DUSP3: variants seen among roughly 807,000 people sequenced by gnomAD.
The protein encoded by DUSP3 is dual specificity phosphatase 3, also known as dual specificity protein phosphatase 3.
In DUSP3, 7 loss-of-function variants were observed where a neutral mutation model predicts 15.5. The ratio of observed to expected loss-of-function variants is 0.45; its 90% CI spans 0.26 to 0.85. DUSP3 has a LOEUF of 0.85. Among genes scored for constraint, DUSP3 ranks in the 40% least tolerant of loss-of-function variants. The pLI, the probability that DUSP3 is intolerant of heterozygous loss-of-function variation, is 0.18. For missense variants in DUSP3, 209 were observed against 251.7 expected (o/e 0.83, Z 1.15); for synonymous variants, 86 against 104.2 (o/e 0.83, Z 1.07).
intron 2 of DUSP3, among the ~76,000 whole-genome samples, chr17:43,770,659 CAA>C (rs200261838): frequency 2.2e-5 from 3 of 137,812 alleles, no homozygotes; most frequent in Non-Finnish European, 1.6e-5. Flanking sequence ...GACTCTGTCT[CAA>C]AAAAAAAAAG....
chr17:43,775,033 A>G (rs1974369970), intron 1 of DUSP3, 95 bp from the exon 2 acceptor site: 21 of 1,293,670 alleles, frequency 1.6e-5, no homozygotes, highest in Non-Finnish European at 2.3e-5. Context: ...TAGCAAAGCA[A>G]GGAAACCCTC....
In DUSP3 at chr17:43,771,730, C is replaced by T. The variant is rs186972002; in HGVS notation, c.353-1916G>A. Among the ~76,000 whole-genome samples the T allele has an allele frequency of 2.2e-4, 33 of 151,494 alleles. No individual in the cohort carries two copies. The East Asian group carries it at 5.6e-3, about 26-fold the overall frequency. ...GAATTCTTTAAGAGCAAGAAATGGC[C>T]GGACACGGTGGCTCACACCTATAAT... On this transcript the variant is annotated intron_variant, in intron 2 of 2. Coordinates refer to ENST00000226004, the MANE Select transcript of DUSP3 (RefSeq NM_004090.4).
chr17:43,778,757 T>C, intron 1 of DUSP3, 43 bp downstream of exon 1: 2 of 1,483,268 alleles, frequency 1.3e-6, no homozygotes, highest in East Asian at 2.9e-5. Context: ...GGGCGGGGCG[T>C]CCCGAGAGGG....
In DUSP3 at chr17:43,769,687, G is replaced by A. The variant is rs781144393; in HGVS notation, c.480C>T (p.Ile160=). Residue 160 remains isoleucine, a synonymous_variant, in exon 3 of 3, where the codon ATC becomes ATT. Transcript: ENST00000226004. ...GGGCCAGGAAGCCATCGTTGGGGCC[G>A]ATCTCACGGTTCTGCCTCACGATGC... The part of the protein sequence containing the change: ...ALSIVRQNRE[I]GPNDGFLAQL... 8.9e-5 allele frequency: 143 copies of A among 1,613,508 alleles called. No homozygotes were observed. Among genetic ancestry groups the A allele is most frequent in the Non-Finnish European group, 7.1e-5 (84 of 1,179,948 alleles).
intron 2 of DUSP3, among the ~76,000 whole-genome samples, chr17:43,770,658 T>A (rs1184983899): frequency 6.7e-6 from 1 of 149,860 alleles, no homozygotes; most frequent in Non-Finnish European, 1.5e-5. Context: ...AGACTCTGTC[T>A]CAAAAAAAAA....
In DUSP3 at chr17:43,766,920, A is replaced by T. The variant is rs1020492344; in HGVS notation, c.*2689T>A. 1 of 152,226 alleles carries T rather than the reference A, an allele frequency of 6.6e-6. No individual in the cohort carries two copies. Among genetic ancestry groups the T allele is most frequent in the Non-Finnish European group, 1.5e-5 (1 of 68,044 alleles). The allele number at this position is 152,226 out of a possible 1,614,324, so 9.4% of individuals were successfully genotyped here. On this transcript the variant is annotated 3_prime_UTR_variant, in exon 3 of 3. Transcript: ENST00000226004. ...TAAGGGCACCCTGAGTTCCTGTTCC[A>T]TCACTTCCCAGGCAGTAGAAGGCTG...
chr17:43,771,028 GTGTA>G (rs1215499084), intron 2 of DUSP3, among the ~76,000 whole-genome samples: 130 of 149,766 alleles, frequency 8.7e-4, no homozygotes, highest in African/African-American at 3.1e-3. Flanking sequence ...GTGTATGTGT[GTGTA>G]TATATATATA....
At chr17:43,777,522 T>C (rs1390315775) in intron 1 of DUSP3, 2 of 455,946 alleles carry the variant, frequency 4.4e-6, no homozygotes, top group East Asian at 1.4e-4. Context: ...GGTCAGGAAA[T>C]ACATACATGA....
At chr17:43,774,990 G>T in intron 1 of DUSP3, 52 bp from the exon 2 acceptor site, 1 of 1,571,244 alleles carries the variant, frequency 6.4e-7, no homozygotes, top group Non-Finnish European at 8.8e-7. Context: ...GGCAGCCCCA[G>T]GGGGAGGAAG....
At chr17:43,770,916 G>A (rs1974309309) in intron 2 of DUSP3, among the ~76,000 whole-genome samples, 1 of 151,474 alleles carries the variant, frequency 6.6e-6, no homozygotes, top group African/African-American at 2.4e-5. Flanking sequence ...ATGCCACCAT[G>A]CCCAGCTAAT....
At chr17:43,778,663 GC>G (rs1177393968) in intron 1 of DUSP3, 136 bp downstream of exon 1, 39 of 1,202,122 alleles carry the variant, frequency 3.2e-5, no homozygotes, top group Non-Finnish European at 4.1e-5. Flanking sequence ...CCCCTCCCAA[GC>G]CCCCGCTGTG....
intron 1 of DUSP3, among the ~76,000 whole-genome samples, chr17:43,776,775 G>A (rs1237985061): frequency 6.6e-6 from 1 of 152,194 alleles, no homozygotes; most frequent in African/African-American, 2.4e-5. Flanking sequence ...CCAAGCAAGC[G>A]GGATTCCTGA....
At chr17:43,773,053 T>C (rs892295674) in intron 2 of DUSP3, among the ~76,000 whole-genome samples, 1 of 152,092 alleles carries the variant, frequency 6.6e-6, no homozygotes, top group African/African-American at 2.4e-5. Context: ...TCAGTACAGC[T>C]GGAGTGGAGG....
chr17:43,768,868 G>A lies in DUSP3; in HGVS notation c.*741C>T, dbSNP rs1009956977. On this transcript the variant is annotated 3_prime_UTR_variant, in exon 3 of 3. Coordinates refer to ENST00000226004, the MANE Select transcript of DUSP3 (RefSeq NM_004090.4). Reference sequence around the variant, plus strand: ...AAAACGAAGTGACTGAGATAAGATCGAAGGGAAATATTCCAGAGCAGCAGA... The same window carrying A: ...AAAACGAAGTGACTGAGATAAGATCAAAGGGAAATATTCCAGAGCAGCAGA... 6.6e-6 allele frequency: 1 copy of A among 151,854 alleles called. No individual in the cohort carries two copies. Among genetic ancestry groups the A allele is most frequent in the Admixed American group, 6.6e-5 (1 of 15,252 alleles). 9.4% of individuals were successfully genotyped at this position (151,854 alleles called of 1,614,324 possible).
intron 1 of DUSP3, 88 bp downstream of exon 1, chr17:43,778,712 C>G: frequency 7.2e-7 from 1 of 1,386,786 alleles, no homozygotes; most frequent in Non-Finnish European, 9.4e-7. Context: ...CTCCCCCAAC[C>G]CAAGACTCGC....
In DUSP3 at chr17:43,766,327, C is replaced by T. The variant is rs922898605; in HGVS notation, c.*3282G>A. ...GAGGCAACAAAAGTTAAGCTTCCAA[C>T]GAATCTGTTCTCTCAACCGGAAATG... is the stretch of plus-strand genomic sequence containing the variant. On this transcript the variant is annotated 3_prime_UTR_variant, in exon 3 of 3. Coordinates refer to ENST00000226004, the MANE Select transcript of DUSP3 (RefSeq NM_004090.4). 4.6e-5 allele frequency: 7 copies of T among 152,164 alleles called. No homozygotes were observed. The highest frequency in any genetic ancestry group is 1.4e-4 in the African/African-American group (6 of 41,436). The allele number at this position is 152,164 out of a possible 1,614,324, so 9.4% of individuals were successfully genotyped here.
At chr17:43,770,697 A>T in intron 2 of DUSP3, among the ~76,000 whole-genome samples, 1 of 148,850 alleles carries the variant, frequency 6.7e-6, no homozygotes, top group Admixed American at 6.7e-5. Flanking sequence ...AGGCCCTGGG[A>T]GCTGGGGATG....
At chr17:43,776,405 C>T (rs991578672) in intron 1 of DUSP3, among the ~76,000 whole-genome samples, 1 of 152,242 alleles carries the variant, frequency 6.6e-6, no homozygotes. Context: ...TCCTTTCTCC[C>T]GACATCCAGC....
chr17:43,774,938 C>T lies in DUSP3; in HGVS notation c.126G>A (p.Ala42=), dbSNP rs1974368594. 1 of 1,614,104 alleles carries T rather than the reference C, an allele frequency of 6.2e-7. No homozygotes were observed. Among genetic ancestry groups the T allele is most frequent in the Non-Finnish European group, 8.5e-7 (1 of 1,180,004 alleles). The change falls in exon 2 of 3, where the codon GCG becomes GCA. Residue 42 remains alanine (A), a splice_region_variant and synonymous_variant. Transcript: ENST00000226004. ...EVTPRIYVGN[A]SVAQDIPKLQ... ...GCTTGGGGATGTCCTGAGCCACAGA[C>T]CTGGACAGGAGACAGTGGTGGGGAT...
Sources: allele counts gnomAD v4.1 joint callset (sites outside exome capture counted in the v4.1 genomes callset), GRCh38; gene constraint gnomAD v4.1.1; transcripts MANE v1.5; gene names NCBI Gene and HGNC (gene_info 2026-07-23, HGNC 2026-07-21).